The following SH3BP4 variants were observed in gnomAD, a reference collection of about 807,000 sequenced individuals.
The protein encoded by SH3BP4 is SH3 domain binding protein 4.
Under a neutral mutation model 65.5 loss-of-function variants are expected in SH3BP4, and 33 were observed. The ratio of observed to expected loss-of-function variants is 0.50; its 90% CI spans 0.38 to 0.67. SH3BP4 has a LOEUF of 0.67. SH3BP4 is among the 30% of genes least tolerant of loss of function. The pLI is 0.00. For synonymous variants in SH3BP4, 552 were observed against 545.5 expected (o/e 1.01, Z -0.17); for missense variants, 1,134 against 1,261.4 (o/e 0.90, Z 1.53).
At chr2:234,988,116 G>T (rs931677044) in intron 1 of SH3BP4, among the ~76,000 whole-genome samples, 1 of 152,088 alleles carries the variant, frequency 6.6e-6, no homozygotes, top group East Asian at 1.9e-4. Context: ...CTGGAGTGCG[G>T]TGGTGTAATC....
rs370682225 is a variant in SH3BP4 at position 235,042,461 on chromosome 2, G to A, written c.1692G>A (p.Leu564=). ...EQAKVVRGFQ[L]KLGKVSRLIF... is the part of the protein sequence containing the mutation. ...CCAAAGTGGTGCGAGGATTCCAGCT[G>A]AAGCTGGGCAAGGTGAGCCGCCTGA... is the stretch of plus-strand genomic sequence containing the variant. Residue 564 remains leucine, a synonymous_variant, in exon 4 of 6, where the codon CTG becomes CTA. Coordinates refer to ENST00000392011, the MANE Select transcript of SH3BP4 (RefSeq NM_014521.3). This position sits in a 1 kb window ranked among gnomAD's most constrained non-coding sequence, Gnocchi z 7.3. 4.3e-6 allele frequency: 7 copies of A among 1,614,182 alleles called. No homozygotes were observed. Among genetic ancestry groups the A allele is most frequent in the Non-Finnish European group, 5.9e-6 (7 of 1,180,038 alleles).
chr2:234,968,287 A>G (rs1692890169), intron 1 of SH3BP4, among the ~76,000 whole-genome samples: 1 of 151,682 alleles, frequency 6.6e-6, no homozygotes, highest in African/African-American at 2.4e-5. Flanking sequence ...AAACACGGCC[A>G]CCTGATGCCC....
intron 1 of SH3BP4, among the ~76,000 whole-genome samples, chr2:234,990,440 C>G (rs1328699758): frequency 6.6e-6 from 1 of 152,244 alleles, no homozygotes; most frequent in African/African-American, 2.4e-5. Context: ...CTCAACCCTT[C>G]AAGAATGTGT....
At chr2:234,988,589 T>C (rs533566578) in intron 1 of SH3BP4, among the ~76,000 whole-genome samples, 1 of 152,200 alleles carries the variant, frequency 6.6e-6, no homozygotes, top group African/African-American at 2.4e-5. Flanking sequence ...TGTGTCTCAT[T>C]GTCCTCCCGT....
chr2:234,957,485 G>T (rs1020155179), intron 1 of SH3BP4, among the ~76,000 whole-genome samples: 2 of 151,450 alleles, frequency 1.3e-5, no homozygotes, highest in African/African-American at 2.4e-5. Flanking sequence ...AGAAATTGTG[G>T]CCTCACTTCT....
intron 4 of SH3BP4, among the ~76,000 whole-genome samples, chr2:235,048,415 C>T (rs984977024): frequency 1.3e-5 from 2 of 152,096 alleles, no homozygotes; most frequent in South Asian, 4.1e-4. Flanking sequence ...ACTGCAGCCT[C>T]GAACTCCTGG....
Position 235,042,662 on chromosome 2 carries a change from C to G in SH3BP4, c.1893C>G (p.Val631=). The change falls in exon 4 of 6, where the codon GTC becomes GTG. Residue 631 remains valine, a synonymous_variant. Coordinates refer to ENST00000392011, the MANE Select transcript of SH3BP4 (RefSeq NM_014521.3). The surrounding 1 kb of genome is among the most constrained non-coding windows in gnomAD (Gnocchi z 7.3). The part of the protein sequence containing the change: ...GQRRFLKKNE[V]GKIILSPFAT... ...GGAGGTTTCTCAAGAAGAACGAAGTCGGGAAAATCATCCTGTCCCCGTTTG... is the reference window on the plus strand; with the variant it reads ...GGAGGTTTCTCAAGAAGAACGAAGTGGGGAAAATCATCCTGTCCCCGTTTG... The G allele has an allele frequency of 6.2e-7, 1 of 1,614,152 alleles. No homozygotes were observed. The highest frequency in any genetic ancestry group is 2.2e-5 in the East Asian group (1 of 44,882).
At chr2:235,005,309 T>C (rs1273809764) in intron 2 of SH3BP4, among the ~76,000 whole-genome samples, 1 of 152,034 alleles carries the variant, frequency 6.6e-6, no homozygotes, top group African/African-American at 2.4e-5. Context: ...GGGGCTCCCC[T>C]GACTTCTGGC....
At chr2:235,002,116 C>T (rs11888408) in intron 2 of SH3BP4, among the ~76,000 whole-genome samples, 52,379 of 151,964 alleles carry the variant, frequency 0.34, 11,862 homozygotes, top group East Asian at 0.73. Context: ...CCGCCTCGGC[C>T]TCCCCAGAGT....
chr2:235,052,632 C>A lies in SH3BP4; in HGVS notation c.2549C>A (p.Ala850Asp). 1 of 1,574,244 alleles carries A rather than the reference C, an allele frequency of 6.4e-7. No homozygotes were observed. The highest frequency in any genetic ancestry group is 8.6e-7 in the Non-Finnish European group (1 of 1,160,522). ...LIQDFVLLTT[A>D]VEVAQRWREL... The stretch of plus-strand genomic sequence containing the variant: ...CAGGACTTTGTGCTCCTGACCACGG[C>A]TGTAGAGGTGGCCCAGCGCTGGCGG... The change falls in exon 5 of 6, where the codon GCT (alanine) becomes GAT (aspartate). Residue 850 changes from alanine to aspartate, a missense_variant. Coordinates refer to ENST00000392011, the MANE Select transcript of SH3BP4 (RefSeq NM_014521.3). The surrounding 1 kb of genome is among the most constrained non-coding windows in gnomAD (Gnocchi z 5.0).
At chr2:234,998,141 A>T (rs1168131719) in intron 2 of SH3BP4, among the ~76,000 whole-genome samples, 1 of 152,088 alleles carries the variant, frequency 6.6e-6, no homozygotes, top group Non-Finnish European at 1.5e-5. Flanking sequence ...AATAAAAAAT[A>T]AAAAAGTCTC....
At position 235,042,470 on chromosome 2, in the gene SH3BP4, C is replaced by A. The variant is rs1490284778; in HGVS notation, c.1701C>A (p.Gly567=). The change falls in exon 4 of 6, where the codon GGC becomes GGA. Residue 567 remains glycine, a synonymous_variant. Coordinates refer to ENST00000392011, the MANE Select transcript of SH3BP4 (RefSeq NM_014521.3). This position sits in a 1 kb window ranked among gnomAD's most constrained non-coding sequence, Gnocchi z 7.3. The stretch of plus-strand genomic sequence containing the variant: ...TGCGAGGATTCCAGCTGAAGCTGGG[C>A]AAGGTGAGCCGCCTGATCTTCCCCA... The part of the protein sequence containing the change: ...KVVRGFQLKL[G]KVSRLIFPIT... 6.2e-6 allele frequency: 10 copies of A among 1,614,152 alleles called. No individual in the cohort carries two copies. Among genetic ancestry groups the A allele is most frequent in the African/African-American group, 2.7e-5 (2 of 75,036 alleles).
rs1017649201 is a variant in SH3BP4 at position 235,010,348 on chromosome 2, C to G, written c.-133+14972C>G. Among the ~76,000 whole-genome samples, 5 of 152,300 alleles carry G rather than the reference C, an allele frequency of 3.3e-5. 1 individual carries two copies. In the South Asian group the frequency reaches 8.3e-4, roughly 25 times the overall value. Reference sequence around the variant, plus strand: ...GGGCCCAGCCTGCTTCATGGGGAGGCCCGCAGGGCAAGATGCACACAGTAG... The same window carrying G: ...GGGCCCAGCCTGCTTCATGGGGAGGGCCGCAGGGCAAGATGCACACAGTAG... On this transcript the variant is annotated intron_variant, in intron 2 of 5. Coordinates refer to ENST00000392011, the MANE Select transcript of SH3BP4 (RefSeq NM_014521.3).
intron 1 of SH3BP4, among the ~76,000 whole-genome samples, chr2:234,963,770 T>G (rs1198688978): frequency 6.6e-6 from 1 of 152,180 alleles, no homozygotes; most frequent in Non-Finnish European, 1.5e-5. Flanking sequence ...TTCTCCAGGG[T>G]CATGTCGTCA....
At chr2:234,975,737 A>C (rs1693148305) in intron 1 of SH3BP4, among the ~76,000 whole-genome samples, 1 of 152,072 alleles carries the variant, frequency 6.6e-6, no homozygotes, top group Non-Finnish European at 1.5e-5. Flanking sequence ...TTAGCTGGGC[A>C]TGGTGGTGCA....
chr2:235,020,962 C>T (rs1694831879), intron 2 of SH3BP4, among the ~76,000 whole-genome samples: 1 of 152,138 alleles, frequency 6.6e-6, no homozygotes, highest in Admixed American at 6.5e-5. Context: ...TGTAGTCTGC[C>T]TCCTATTTTT....
chr2:234,962,197 C>T (rs1268923236), intron 1 of SH3BP4, among the ~76,000 whole-genome samples: 2 of 152,066 alleles, frequency 1.3e-5, no homozygotes, highest in Non-Finnish European at 2.9e-5. Context: ...AGTGCGGTGG[C>T]CCAATGTCAG....
At chr2:235,032,260 CCT>C (rs1695229175) in intron 2 of SH3BP4, among the ~76,000 whole-genome samples, 1 of 152,182 alleles carries the variant, frequency 6.6e-6, no homozygotes, top group South Asian at 2.1e-4. Flanking sequence ...GCTGACACCC[CCT>C]GATTTTTCCT....
chr2:235,006,434 G>T (rs1338257416), intron 2 of SH3BP4, among the ~76,000 whole-genome samples: 3 of 152,064 alleles, frequency 2.0e-5, no homozygotes, highest in Non-Finnish European at 4.4e-5. Context: ...ATTCCTAATG[G>T]ATTTTTAGCT....
Sources: gnomAD v4.1 joint callset for allele counts (sites outside exome capture counted in the v4.1 genomes callset) on GRCh38, gnomAD v4.1.1 for gene constraint, Gnocchi (gnomAD v3.1) non-coding constraint, MANE v1.5 for transcripts, NCBI Gene and HGNC (gene_info 2026-07-23, HGNC 2026-07-21) for gene names.